The following ZBTB25 variants were observed in gnomAD, a reference collection of about 807,000 sequenced individuals.
ZBTB25 encodes the protein zinc finger and BTB domain containing 25.
Under a neutral mutation model 34.2 loss-of-function variants are expected in ZBTB25, and 20 were observed. That is an observed-to-expected ratio of 0.58 (90% CI 0.41 to 0.85). The LOEUF (loss-of-function observed/expected upper bound fraction) is 0.85. Among genes scored for constraint, ZBTB25 ranks in the 40% least tolerant of loss-of-function variants. ZBTB25 has a pLI of 0.00. For synonymous variants in ZBTB25, 175 were observed against 186.4 expected, an observed-to-expected ratio of 0.94 and a Z score of 0.50; for missense variants, 437 against 521.8, an observed-to-expected ratio of 0.84 and a Z score of 1.58.
chr14:64,477,627 G>GT (rs2078731609), downstream of ZBTB25, among the ~76,000 whole-genome samples: 1 of 152,168 alleles, frequency 6.6e-6, no homozygotes, highest in Non-Finnish European at 1.5e-5. Context: ...CCTTCAAAAA[G>GT]TAACAGGTGT....
At chr14:64,500,453 G>GC (rs1555345794) in intron 1 of ZBTB25, among the ~76,000 whole-genome samples, 1 of 6,450 alleles carries the variant, frequency 1.6e-4, no homozygotes, top group South Asian at 5.0e-3. Context: ...TCCCAATAAA[G>GC]CAAAAAAAAA....
chr14:64,467,091 T>C (rs2141002229), intron 2 of ZBTB25: 1 of 152,342 alleles, frequency 6.6e-6, no homozygotes, highest in Admixed American at 6.5e-5. Flanking sequence ...TAAATGACCA[T>C]TAATCAATTT....
Position 64,456,425 on chromosome 14 carries a change from T to C in ZBTB25, c.174-6787A>G, listed in dbSNP as rs61985662. Among the ~76,000 whole-genome samples, 1,218 of 152,358 alleles carry C rather than the reference T, an allele frequency of 8.0e-3. 11 individuals carry two copies. Among genetic ancestry groups the C allele is most frequent in the Non-Finnish European group, 0.011 (748 of 68,036 alleles). ...TTTCAGAACTTTATATCTAGGTTCA[T>C]ACATGTGCGTACACATAATATTGTC... On this transcript the variant is annotated intron_variant, in intron 2 of 2. Coordinates refer to the ZBTB25 transcript ENST00000555220.
chr14:64,473,681 T>C (rs1050867883), downstream of ZBTB25: 1 of 167,056 alleles, frequency 6.0e-6, no homozygotes, highest in Non-Finnish European at 1.5e-5. Context: ...TTTGAAAAGA[T>C]CCTTTTAATG....
intron 2 of ZBTB25, among the ~76,000 whole-genome samples, chr14:64,465,282 T>C (rs1245357937): frequency 2.7e-5 from 4 of 150,602 alleles, no homozygotes; most frequent in Non-Finnish European, 3.0e-5. Context: ...GGCGCTGATG[T>C]GGTCTGGCAG....
chr14:64,459,708 C>T (rs1368052820), intron 2 of ZBTB25: 2 of 1,313,474 alleles, frequency 1.5e-6, no homozygotes, highest in South Asian at 1.3e-5. Flanking sequence ...GAACAGGAAA[C>T]ATTTCAGTGC....
upstream of ZBTB25, chr14:64,504,885 C>T: frequency 2.5e-6 from 1 of 396,722 alleles, no homozygotes; most frequent in East Asian, 3.6e-5. Flanking sequence ...GCCCGCCTTT[C>T]CCGCGGCTGA....
At chr14:64,492,399 A>G (rs1192742276) in intron 1 of ZBTB25, among the ~76,000 whole-genome samples, 1 of 151,596 alleles carries the variant, frequency 6.6e-6, no homozygotes, top group African/African-American at 2.4e-5. Context: ...TAGAGACGGG[A>G]GTTCACCATG....
rs146506258 is a variant in ZBTB25, at chr14:64,479,414, G to C, written c.*7509C>G. The C allele has an allele frequency of 2.9e-4, 43 of 149,504 alleles. No homozygotes were observed. The highest frequency in any genetic ancestry group is 1.1e-3 in the African/African-American group (42 of 39,190). 9.3% of individuals were successfully genotyped at this position (149,504 alleles called of 1,614,324 possible). ...TCTCCACATCGTCAAATGTCTCTAT[G>C]GGGGGGGATAGCCCTGTGTAATGTT... On this transcript the variant is annotated 3_prime_UTR_variant, in exon 3 of 3. Coordinates refer to ENST00000608382, the MANE Select transcript of ZBTB25 (RefSeq NM_006977.5).
downstream of ZBTB25, among the ~76,000 whole-genome samples, chr14:64,477,055 AATTTTAAATC>A (rs2078726780): frequency 1.3e-5 from 2 of 152,230 alleles, no homozygotes. Flanking sequence ...ACCTCGGGGT[AATTTTAAATC>A]TTATTCTGAT....
Position 64,487,264 on chromosome 14 carries a change from T to C in ZBTB25, c.967A>G (p.Ser323Gly), listed in dbSNP as rs1399208389. ...TCTTTGGAGATCAAAGATACTTGAC[T>C]GATCTGCAAAGGCTCTGTGGTACCC... Reference protein sequence around the residue: ...NRGTTEPLQISQVSLISKDTE... With the variant: ...NRGTTEPLQIGQVSLISKDTE... The change falls in exon 3 of 3, where the codon AGT (serine) becomes GGT (glycine). Residue 323 changes from serine to glycine, a missense_variant. Transcript: ENST00000608382. The C allele has an allele frequency of 1.9e-6, 3 of 1,613,998 alleles. No homozygotes were observed. The highest frequency in any genetic ancestry group is 2.5e-6 in the Non-Finnish European group (3 of 1,180,038).
At chr14:64,490,314 A>G (rs769102571) in intron 2 of ZBTB25, 47 bp downstream of exon 2, 23 of 1,425,016 alleles carry the variant, frequency 1.6e-5, no homozygotes, top group Admixed American at 4.4e-5. Flanking sequence ...TAAAGCTTAT[A>G]TAAATCACAA....
At position 64,449,688 on chromosome 14, in the gene ZBTB25, G is replaced by T. The variant is rs571901659; in HGVS notation, c.174-50C>A. ...AAGGGCACAGTGAAGTTTCTGTGTG[G>T]CTACTTCTATTAGAGCCCCATGCTT... On this transcript the variant is annotated intron_variant, in intron 2 of 2. Coordinates refer to the ZBTB25 transcript ENST00000555220. The T allele has an allele frequency of 1.9e-3, 2,940 of 1,561,876 alleles. 4 individuals carry two copies. The highest frequency in any genetic ancestry group is 2.3e-3 in the Non-Finnish European group (2,681 of 1,148,910).
chr14:64,450,285 T>C lies in ZBTB25; in HGVS notation c.174-647A>G, dbSNP rs141418656. 1.8e-4 allele frequency among the ~76,000 whole-genome samples: 28 copies of C among 152,366 alleles called. No individual in the cohort carries two copies. The East Asian group carries it at 4.2e-3, about 23-fold the overall frequency. The stretch of plus-strand genomic sequence containing the variant: ...CCTTTAAAACAAGGCACCAACCATG[T>C]AGCAGATTGGTAAGGGGCTGCATCG... On this transcript the variant is annotated intron_variant, in intron 2 of 2. Coordinates refer to the ZBTB25 transcript ENST00000555220.
intron 2 of ZBTB25, among the ~76,000 whole-genome samples, chr14:64,455,770 C>T: frequency 6.6e-6 from 1 of 152,326 alleles, no homozygotes; most frequent in African/African-American, 2.4e-5. Context: ...AATTCATTTT[C>T]ACCTCTTCAG....
intron 1 of ZBTB25, among the ~76,000 whole-genome samples, chr14:64,496,428 T>C (rs541994504): frequency 6.6e-6 from 1 of 151,624 alleles, no homozygotes; most frequent in South Asian, 2.1e-4. Flanking sequence ...GAGGAAGAGG[T>C]TGCAGTGAGC....
chr14:64,460,140 T>G (rs1400865295), intron 2 of ZBTB25: 1 of 543,734 alleles, frequency 1.8e-6, no homozygotes, highest in African/African-American at 1.9e-5. Context: ...GATACTGTTG[T>G]GTTTAGAGGG....
intron 2 of ZBTB25, chr14:64,462,618 T>A (rs1019324644): frequency 3.9e-5 from 6 of 152,136 alleles, no homozygotes; most frequent in African/African-American, 1.4e-4. Flanking sequence ...AATTGTACAT[T>A]CTCTGATCTC....
rs1199433959 is a variant in ZBTB25 at position 64,481,672 on chromosome 14, A to C, written c.*5251T>G. ...TACAAATACATACTGAAGCACAATG[A>C]ATTCTTCCAGGTCTTCAAGACAAAA... On this transcript the variant is annotated 3_prime_UTR_variant, in exon 3 of 3. Coordinates refer to ENST00000608382, the MANE Select transcript of ZBTB25 (RefSeq NM_006977.5). 6.6e-6 allele frequency: 1 copy of C among 152,240 alleles called. No individual in the cohort carries two copies. The highest frequency in any genetic ancestry group is 1.5e-5 in the Non-Finnish European group (1 of 68,042). The allele number at this position is 152,240 out of a possible 1,614,324, so 9.4% of individuals were successfully genotyped here.
Sources: allele counts gnomAD v4.1 joint callset (sites outside exome capture counted in the v4.1 genomes callset), GRCh38; gene constraint gnomAD v4.1.1; transcripts MANE v1.5; gene names NCBI Gene and HGNC (gene_info 2026-07-23, HGNC 2026-07-21).